Variants in PDE4D observed in about 807,000 individuals in gnomAD.
PDE4D encodes the protein phosphodiesterase 4D, also known as 3',5'-cyclic-AMP phosphodiesterase 4D.
PDE4D carries 24 observed loss-of-function variants against 87.4 expected under a neutral mutation model. The ratio of observed to expected loss-of-function variants is 0.27; its 90% CI spans 0.20 to 0.39. The LOEUF is 0.39. Ranked by LOEUF, PDE4D falls within the 10% of genes least tolerant of loss-of-function variation. The probability of loss-of-function intolerance (pLI) is 1.00; values close to 1 mark genes in which losing one functional copy is unlikely to be tolerated. For missense variants in PDE4D, 714 were observed against 1,041.0 expected, an observed-to-expected ratio of 0.69 and a Z score of 4.32; for synonymous variants, 384 against 383.2, an observed-to-expected ratio of 1.00 and a Z score of -0.02.
At position 60,187,636 on chromosome 5, in the gene PDE4D, C is replaced by A. The variant is rs986730056; in HGVS notation, c.-89-1949G>T. Among the ~76,000 whole-genome samples, 53 of 152,098 alleles carry A rather than the reference C, an allele frequency of 3.5e-4. 1 individual carries two copies. Among genetic ancestry groups the A allele is most frequent in the Non-Finnish European group, 1.5e-5 (1 of 68,008 alleles). On this transcript the variant is annotated intron_variant, in intron 1 of 16. Coordinates refer to the PDE4D transcript ENST00000502484. ...GTTTTTAAAAAATTTGCCTTGAAAT[C>A]ATTTAAAGACCATCATTAAGAGATA...
chr5:59,196,890 G>T (rs1346686092), intron 2 of PDE4D, among the ~76,000 whole-genome samples: 4 of 152,108 alleles, frequency 2.6e-5, no homozygotes, highest in Admixed American at 6.6e-5. Flanking sequence ...GACTTGATTT[G>T]CCAGTCTGAT....
At chr5:60,155,494 G>A (rs778427894) in intron 2 of PDE4D, among the ~76,000 whole-genome samples, 1 of 152,038 alleles carries the variant, frequency 6.6e-6, no homozygotes, top group Non-Finnish European at 1.5e-5. Flanking sequence ...TTCAAGTCTG[G>A]AGTTTTTGTA....
intron 3 of PDE4D, among the ~76,000 whole-genome samples, chr5:59,979,845 G>T (rs960528340): frequency 6.6e-6 from 1 of 151,900 alleles, no homozygotes; most frequent in East Asian, 1.9e-4. Context: ...TGGTTGGGGG[G>T]AAGTGTGTTT....
At chr5:59,959,633 A>T (rs542871504) in intron 3 of PDE4D, among the ~76,000 whole-genome samples, 4 of 152,258 alleles carry the variant, frequency 2.6e-5, no homozygotes, top group Non-Finnish European at 5.9e-5. Context: ...TTCAATAAAC[A>T]GTGCTGAGAA....
chr5:59,308,222 G>T (rs924160958), intron 1 of PDE4D, among the ~76,000 whole-genome samples: 2 of 137,392 alleles, frequency 1.5e-5, no homozygotes, highest in Non-Finnish European at 3.2e-5. Context: ...GGGGTGGGGG[G>T]AAGGGGGAGG....
At chr5:59,415,232 G>C (rs1201098373) in intron 1 of PDE4D, among the ~76,000 whole-genome samples, 1 of 152,168 alleles carries the variant, frequency 6.6e-6, no homozygotes. Flanking sequence ...AAGGTTCTGA[G>C]TTTAAGTGGA....
intron 3 of PDE4D, among the ~76,000 whole-genome samples, chr5:59,957,530 G>A (rs1181370133): frequency 6.6e-6 from 1 of 152,020 alleles, no homozygotes; most frequent in East Asian, 1.9e-4. Context: ...CTTCTAATAT[G>A]AGTACATGAA....
intron 1 of PDE4D, among the ~76,000 whole-genome samples, chr5:60,498,166 GCACACACA>G (rs34436235): frequency 1.5e-4 from 21 of 144,294 alleles, no homozygotes; most frequent in African/African-American, 2.8e-4. Context: ...ACACACACAT[GCACACACA>G]CACACACACA....
chr5:59,647,000 A>G (rs896595609), intron 1 of PDE4D, among the ~76,000 whole-genome samples: 1 of 152,148 alleles, frequency 6.6e-6, no homozygotes, highest in African/African-American at 2.4e-5. Flanking sequence ...ACGCCACTGC[A>G]CTCCAGCCTG....
At chr5:59,875,414 T>C (rs926941604) in intron 1 of PDE4D, among the ~76,000 whole-genome samples, 2 of 132,042 alleles carry the variant, frequency 1.5e-5, no homozygotes, top group Non-Finnish European at 3.1e-5. Context: ...TGAGCCGAGA[T>C]TGCGCCACTG....
intron 1 of PDE4D, among the ~76,000 whole-genome samples, chr5:60,272,863 T>A (rs2149727461): frequency 6.6e-6 from 1 of 152,328 alleles, no homozygotes; most frequent in South Asian, 2.1e-4. Context: ...TTTTTCTAAA[T>A]ATCCTGGAAC....
chr5:60,049,808 G>A (rs1194215663), intron 2 of PDE4D, among the ~76,000 whole-genome samples: 1 of 152,202 alleles, frequency 6.6e-6, no homozygotes, highest in Non-Finnish European at 1.5e-5. Flanking sequence ...AGAGGTCACT[G>A]CTGTCTTTTT....
chr5:59,499,475 A>T (rs998383208), intron 1 of PDE4D, among the ~76,000 whole-genome samples: 7 of 150,728 alleles, frequency 4.6e-5, no homozygotes, highest in African/African-American at 1.7e-4. Context: ...CAAAGGATAT[A>T]CAAAATGAGA....
At chr5:59,507,727 T>C (rs1487052750) in intron 1 of PDE4D, among the ~76,000 whole-genome samples, 1 of 149,030 alleles carries the variant, frequency 6.7e-6, no homozygotes, top group Non-Finnish European at 1.5e-5. Context: ...AAATACAGTG[T>C]TGAGGAAAAG....
chr5:59,219,761 G>A (rs149531801), intron 1 of PDE4D, among the ~76,000 whole-genome samples: 1 of 152,214 alleles, frequency 6.6e-6, no homozygotes, highest in East Asian at 1.9e-4. Context: ...TATTATATAG[G>A]CAATCAGACT....
At chr5:60,072,845 G>T (rs1266583814) in intron 2 of PDE4D, among the ~76,000 whole-genome samples, 1 of 152,050 alleles carries the variant, frequency 6.6e-6, no homozygotes, top group African/African-American at 2.4e-5. Flanking sequence ...CTGTTTCACT[G>T]GTCATGTTTC....
chr5:60,202,258 G>A (rs1276897078), intron 1 of PDE4D, among the ~76,000 whole-genome samples: 5 of 152,056 alleles, frequency 3.3e-5, no homozygotes, highest in African/African-American at 7.2e-5. Context: ...TGTTGCCTGG[G>A]CTCAAGTGAT....
intron 1 of PDE4D, among the ~76,000 whole-genome samples, chr5:60,371,155 C>A: frequency 6.6e-6 from 1 of 152,236 alleles, no homozygotes; most frequent in East Asian, 1.9e-4. Flanking sequence ...CTATCAGGAT[C>A]TACTCTGTAT....
intron 1 of PDE4D, among the ~76,000 whole-genome samples, chr5:59,512,909 T>A (rs1810511430): frequency 6.6e-6 from 1 of 152,142 alleles, no homozygotes; most frequent in African/African-American, 2.4e-5. Flanking sequence ...ATGTCTAGTT[T>A]AAAAAAATAT....
Sources: allele counts gnomAD v4.1 joint callset (sites outside exome capture counted in the v4.1 genomes callset), GRCh38; gene constraint gnomAD v4.1.1; transcripts MANE v1.5; gene names NCBI Gene and HGNC (gene_info 2026-07-23, HGNC 2026-07-21).